CGRRF1: variants seen among roughly 807,000 people sequenced by gnomAD.
The protein encoded by CGRRF1 is cell growth regulator with ring finger domain 1, also known as cell growth regulator with RING finger domain protein 1.
A neutral mutation model predicts 37.2 loss-of-function variants in CGRRF1; 32 were observed. The observed-to-expected ratio is 0.86, with a 90% CI of 0.65 to 1.16. CGRRF1 has a LOEUF of 1.16. CGRRF1 is among the 50% of genes most tolerant of loss of function. CGRRF1 has a pLI of 0.00. For missense variants in CGRRF1, 391 were observed against 382.6 expected, an observed-to-expected ratio of 1.02 and a Z score of -0.18; for synonymous variants, 141 against 140.3, an observed-to-expected ratio of 1.00 and a Z score of -0.04.
intron 5 of CGRRF1, 75 bp downstream of exon 5, chr14:54,537,904 G>T: frequency 2.6e-6 from 4 of 1,531,266 alleles, no homozygotes; most frequent in Non-Finnish European, 3.5e-6. Flanking sequence ...TTATGGAAAG[G>T]TGATTATATT....
intron 1 of CGRRF1, 70 bp from the exon 2 acceptor site, chr14:54,522,384 A>T: frequency 8.8e-7 from 1 of 1,134,674 alleles, no homozygotes; most frequent in Non-Finnish European, 1.2e-6. Flanking sequence ...ATGAAGCACA[A>T]CAGATTTTAC....
intron 4 of CGRRF1, chr14:54,537,033 A>G (rs1031919440): frequency 1.3e-5 from 2 of 151,970 alleles, no homozygotes; most frequent in Non-Finnish European, 2.9e-5. Flanking sequence ...CTAATTATAT[A>G]TTTTTCCAAT....
chr14:54,509,912 G>T lies in CGRRF1; in HGVS notation c.-48G>T, dbSNP rs1555328359. 3 of 1,438,838 alleles carry T rather than the reference G, an allele frequency of 2.1e-6. No individual in the cohort carries two copies. The Admixed American group carries it at 5.0e-5, about 24-fold the overall frequency. The allele number at this position is 1,438,838 out of a possible 1,614,324, so 89.1% of individuals were successfully genotyped here. A position where few individuals can be genotyped will look rare whatever the true frequency, so the allele number is the denominator to read the frequency against. On this transcript the variant is annotated 5_prime_UTR_variant, in exon 1 of 6. Coordinates refer to ENST00000216420, the MANE Select transcript of CGRRF1 (RefSeq NM_006568.3). ...GGGCGGGCGGGGCTCAGCCGGGCTGGGCTGGGCTCCGCGGCTGGAGCCGGG... is the reference window on the plus strand; with the variant it reads ...GGGCGGGCGGGGCTCAGCCGGGCTGTGCTGGGCTCCGCGGCTGGAGCCGGG...
intron 2 of CGRRF1, among the ~76,000 whole-genome samples, chr14:54,526,770 A>G (rs755033749): frequency 4.6e-5 from 7 of 152,180 alleles, no homozygotes; most frequent in Non-Finnish European, 7.3e-5. Flanking sequence ...AAAAAACACA[A>G]TGTACATGGC....
intron 2 of CGRRF1, among the ~76,000 whole-genome samples, chr14:54,526,944 C>T (rs2032420868): frequency 6.6e-6 from 1 of 152,192 alleles, no homozygotes; most frequent in Admixed American, 6.5e-5. Flanking sequence ...CCCATCATTT[C>T]TCCCTTTTTA....
intron 2 of CGRRF1, 66 bp downstream of exon 2, chr14:54,522,659 C>T (rs533354499): frequency 2.8e-6 from 4 of 1,414,118 alleles, no homozygotes; most frequent in Middle Eastern, 2.0e-4. Flanking sequence ...CTTTTATTTT[C>T]TTTCTCTATT....
intron 4 of CGRRF1, among the ~76,000 whole-genome samples, chr14:54,535,423 G>A (rs2032584992): frequency 6.7e-6 from 1 of 149,600 alleles, no homozygotes; most frequent in Non-Finnish European, 1.5e-5. Context: ...TTCTCATTTT[G>A]TTTGTCTGAT....
chr14:54,519,105 G>A (rs906866402), intron 1 of CGRRF1, among the ~76,000 whole-genome samples: 14 of 151,702 alleles, frequency 9.2e-5, no homozygotes, highest in Admixed American at 8.5e-4. Context: ...ACCATGCCCA[G>A]CTAATTTTTT....
chr14:54,531,810 A>G (rs1390225389), intron 4 of CGRRF1, among the ~76,000 whole-genome samples: 2 of 152,180 alleles, frequency 1.3e-5, no homozygotes, highest in Non-Finnish European at 2.9e-5. Context: ...TCTGAGTATA[A>G]TAGAAACTTA....
chr14:54,519,955 G>A (rs2032287742), intron 1 of CGRRF1, among the ~76,000 whole-genome samples: 1 of 151,956 alleles, frequency 6.6e-6, no homozygotes, highest in Non-Finnish European at 1.5e-5. Flanking sequence ...CCATACATTG[G>A]TCTATCTTAT....
chr14:54,523,196 GACCTCAGATGATCCACCC>G (rs2032352356), intron 2 of CGRRF1: 1 of 154,436 alleles, frequency 6.5e-6, no homozygotes, highest in African/African-American at 2.4e-5. Flanking sequence ...TCAAACTCCT[GACCTCAGATGATCCACCC>G]ACCTCAGCCT....
intron 1 of CGRRF1, among the ~76,000 whole-genome samples, chr14:54,520,020 T>C (rs887394340): frequency 2.0e-5 from 3 of 152,244 alleles, no homozygotes; most frequent in Non-Finnish European, 4.4e-5. Flanking sequence ...TCTAAAACAT[T>C]ACATATTACT....
chr14:54,533,530 G>A (rs1420892638), intron 4 of CGRRF1, among the ~76,000 whole-genome samples: 2 of 151,910 alleles, frequency 1.3e-5, no homozygotes, highest in African/African-American at 4.8e-5. Flanking sequence ...TTGTATTAAT[G>A]TTCTCTGTTT....
intron 1 of CGRRF1, among the ~76,000 whole-genome samples, chr14:54,520,277 TTG>T (rs377319889): frequency 2.0e-5 from 3 of 150,778 alleles, no homozygotes; most frequent in Non-Finnish European, 3.0e-5. Flanking sequence ...CCTGGCTAAT[TTG>T]TGTGTGTGTG....
chr14:54,525,444 G>A (rs1219482534), intron 2 of CGRRF1, among the ~76,000 whole-genome samples: 1 of 152,172 alleles, frequency 6.6e-6, no homozygotes, highest in Admixed American at 6.5e-5. Flanking sequence ...TAGTATTACT[G>A]AAGTCATGAA....
At chr14:54,512,749 C>G (rs2032149513) in intron 1 of CGRRF1, among the ~76,000 whole-genome samples, 1 of 152,190 alleles carries the variant, frequency 6.6e-6, no homozygotes, top group African/African-American at 2.4e-5. Flanking sequence ...CCCACTTGTT[C>G]CAGTTTATGC....
intron 3 of CGRRF1, 22 bp downstream of exon 3, chr14:54,530,248 C>G (rs1271035451): frequency 1.9e-6 from 3 of 1,546,350 alleles, no homozygotes; most frequent in African/African-American, 2.7e-5. Flanking sequence ...TCTGATATAC[C>G]CATTAGCACT....
intron 1 of CGRRF1, among the ~76,000 whole-genome samples, chr14:54,521,289 C>T (rs1016714213): frequency 9.2e-5 from 14 of 151,802 alleles, no homozygotes; most frequent in African/African-American, 3.4e-4. Context: ...GGTGAAACCC[C>T]GTCTCTACTA....
intron 1 of CGRRF1, among the ~76,000 whole-genome samples, chr14:54,520,942 C>T (rs536062173): frequency 4.6e-5 from 7 of 152,008 alleles, no homozygotes; most frequent in South Asian, 4.2e-4. Context: ...CTAACTGTGC[C>T]GTCTTTAACT....
Sources: gnomAD v4.1 joint callset for allele counts (sites outside exome capture counted in the v4.1 genomes callset) on GRCh38, gnomAD v4.1.1 for gene constraint, MANE v1.5 for transcripts, NCBI Gene and HGNC (gene_info 2026-07-23, HGNC 2026-07-21) for gene names.